Variants in DHRS13 observed in about 807,000 individuals in gnomAD.
DHRS13 encodes dehydrogenase/reductase 13, also known as dehydrogenase/reductase SDR family member 13.
Under a neutral mutation model 17.9 loss-of-function variants are expected in DHRS13, and 22 were observed. The observed-to-expected ratio is 1.23, with a 90% CI of 0.88 to 1.75. The LOEUF is 1.75. Ranked by LOEUF, DHRS13 falls within the 40% of genes most tolerant of loss-of-function variation. The pLI, the probability that DHRS13 is intolerant of heterozygous loss-of-function variation, is 0.00. For missense variants in DHRS13, 483 were observed against 519.9 expected (o/e 0.93, Z 0.69); for synonymous variants, 206 against 220.4 (o/e 0.93, Z 0.58).
rs572775258 is a variant in DHRS13, at chr17:28,901,455, C to T, written c.370+38G>A. 2.4e-5 allele frequency: 39 copies of T among 1,611,894 alleles called. No homozygotes were observed. Among genetic ancestry groups the T allele is most frequent in the Middle Eastern group, 1.9e-4 (1 of 5,386 alleles). ...GAGGGGGCAGTTGCCCCTGGCCACC[C>T]GCCACCCCACCCCCACGCAGGGCCT... On this transcript the variant is annotated intron_variant, in intron 3 of 4. Transcript: ENST00000378895. The surrounding 1 kb of genome is among the most constrained non-coding windows in gnomAD (Gnocchi z 4.3).
In DHRS13 at chr17:28,902,019, C is replaced by T. The variant is rs1478239927; in HGVS notation, c.247-403G>A. On this transcript the variant is annotated intron_variant, in intron 2 of 4. Transcript: ENST00000378895. This position sits in a 1 kb window ranked among gnomAD's most constrained non-coding sequence, Gnocchi z 4.0. ...CTGTAACTTCTCACTGGTCTCCTCT[C>T]TCCCGCTCTTGCCCCCCCACTCCAG... is the stretch of plus-strand genomic sequence containing the variant. 1 of 181,930 alleles carries T rather than the reference C, an allele frequency of 5.5e-6. No homozygotes were observed. The highest frequency in any genetic ancestry group is 1.2e-5 in the Non-Finnish European group (1 of 85,810). 11.3% of individuals were successfully genotyped at this position (181,930 alleles called of 1,614,324 possible). A position where few individuals can be genotyped will look rare whatever the true frequency, so the allele number is the denominator to read the frequency against.
Position 28,901,009 on chromosome 17 carries a change from G to T in DHRS13, c.663C>A (p.Thr221=), listed in dbSNP as rs2039800248. The change falls in exon 4 of 5, where the codon ACC becomes ACA. Residue 221 remains threonine, a synonymous_variant. Transcript: ENST00000378895. The surrounding 1 kb of genome is among the most constrained non-coding windows in gnomAD (Gnocchi z 4.3). ...LANQLEATGV[T]CYAAHPGPVN... Reference sequence around the variant, plus strand: ...CCTCACCTGGGTGGGCTGCATAGCAGGTGACGCCAGTGGCCTCAAGCTGGT... The same window carrying T: ...CCTCACCTGGGTGGGCTGCATAGCATGTGACGCCAGTGGCCTCAAGCTGGT... 1 of 1,603,130 alleles carries T rather than the reference G, an allele frequency of 6.2e-7. No individual in the cohort carries two copies. Among genetic ancestry groups the T allele is most frequent in the African/African-American group, 1.3e-5 (1 of 74,890 alleles).
In DHRS13 at chr17:28,901,484, GC is replaced by G; in HGVS notation, c.370+8del. On this transcript the variant is annotated splice_region_variant and intron_variant, in intron 3 of 4. Coordinates refer to ENST00000378895, the MANE Select transcript of DHRS13 (RefSeq NM_144683.4). This position sits in a 1 kb window ranked among gnomAD's most constrained non-coding sequence, Gnocchi z 4.3. ...ACCCCACCCCCACGCAGGGCCTGCT[GC>G]CCCTCACCGGCATTGTGGATGAGGA... 1 of 1,613,680 alleles carries G rather than the reference GC, an allele frequency of 6.2e-7. No individual in the cohort carries two copies. The highest frequency in any genetic ancestry group is 1.1e-5 in the South Asian group (1 of 91,066).
Position 28,898,312 on chromosome 17 carries a change from G to T in DHRS13, c.*129C>A, listed in dbSNP as rs2039776355. On this transcript the variant is annotated 3_prime_UTR_variant, in exon 5 of 5. Coordinates refer to ENST00000378895, the MANE Select transcript of DHRS13 (RefSeq NM_144683.4). ...CAGGAAAAGAGATGTCCAGGGCACA[G>T]CTTGGGGCCCCAGAAAGTAACCACG... is the stretch of plus-strand genomic sequence containing the variant. 9.2e-7 allele frequency: 1 copy of T among 1,089,436 alleles called. No homozygotes were observed. Among genetic ancestry groups the T allele is most frequent in the Non-Finnish European group, 1.3e-6 (1 of 763,748 alleles). The allele number at this position is 1,089,436 out of a possible 1,614,324, so 67.5% of individuals were successfully genotyped here. A position where few individuals can be genotyped will look rare whatever the true frequency, so the allele number is the denominator to read the frequency against.
rs1267679445 is a variant in DHRS13, at chr17:28,902,471, C to G, written c.246+112G>C. 2 of 1,148,700 alleles carry G rather than the reference C, an allele frequency of 1.7e-6. No individual in the cohort carries two copies. Among genetic ancestry groups the G allele is most frequent in the African/African-American group, 1.6e-5 (1 of 61,156 alleles). 71.2% of individuals were successfully genotyped at this position (1,148,700 alleles called of 1,614,324 possible). On this transcript the variant is annotated intron_variant, in intron 2 of 4. Transcript: ENST00000378895. The surrounding 1 kb of genome is among the most constrained non-coding windows in gnomAD (Gnocchi z 4.0). ...GCACTCCCTCTTCGCGCTCAGCCGC[C>G]CGCGCCGCGCTCTCCTCCCTGGACC...
rs1207608568 is a variant in DHRS13 at position 28,898,361 on chromosome 17, A to G, written c.*80T>C. The G allele has an allele frequency of 2.7e-6, 4 of 1,464,770 alleles. No individual in the cohort carries two copies. Among genetic ancestry groups the G allele is most frequent in the Non-Finnish European group, 3.7e-6 (4 of 1,093,534 alleles). 90.7% of individuals were successfully genotyped at this position (1,464,770 alleles called of 1,614,324 possible). On this transcript the variant is annotated 3_prime_UTR_variant, in exon 5 of 5. Transcript: ENST00000378895. ...CGGAGGTCAAGATCACAAACCCGTC[A>G]GTGTCCAGGGCATGGCCTCGCACAC...
rs2152652032 is a variant in DHRS13 at position 28,898,452 on chromosome 17, G to C, written c.1123C>G (p.Gln375Glu). 6.4e-7 allele frequency: 1 copy of C among 1,556,596 alleles called. No homozygotes were observed. The highest frequency in any genetic ancestry group is 8.7e-7 in the Non-Finnish European group (1 of 1,149,630). The change falls in exon 5 of 5, where the codon CAG becomes GAG. Residue 375 changes from glutamine (Q) to glutamate (E), a missense_variant. By Grantham distance (29) the Gln-to-Glu change is conservative. Transcript: ENST00000378895. ...RIQAKVEPEI[Q>E]LS The stretch of plus-strand genomic sequence containing the variant: ...TCCTGGCCTGAGGGTTAGGAGAGCT[G>C]GATCTCAGGCTCAACTTTAGCCTGA...
At chr17:28,900,626 G>T (rs1280189014) in intron 4 of DHRS13, among the ~76,000 whole-genome samples, 1 of 152,148 alleles carries the variant, frequency 6.6e-6, no homozygotes, top group Non-Finnish European at 1.5e-5. Context: ...TGCAAGTAAT[G>T]CCTGATACAG....
At position 28,902,724 on chromosome 17, in the gene DHRS13, G is replaced by T. The variant is rs954413967; in HGVS notation, c.128-23C>A. On this transcript the variant is annotated intron_variant, in intron 1 of 4. Coordinates refer to ENST00000378895, the MANE Select transcript of DHRS13 (RefSeq NM_144683.4). This position sits in a 1 kb window ranked among gnomAD's most constrained non-coding sequence, Gnocchi z 4.0. Reference sequence around the variant, plus strand: ...CGCCTGCGGACCGCGGGCGGGAGCCGAGCTGAGCTGAGCCCGGCGGGCCGC... The same window carrying T: ...CGCCTGCGGACCGCGGGCGGGAGCCTAGCTGAGCTGAGCCCGGCGGGCCGC... The T allele has an allele frequency of 7.3e-7, 1 of 1,362,674 alleles. No individual in the cohort carries two copies. Among genetic ancestry groups the T allele is most frequent in the Non-Finnish European group, 9.4e-7 (1 of 1,068,226 alleles). The allele number at this position is 1,362,674 out of a possible 1,614,324, so 84.4% of individuals were successfully genotyped here.
rs2039809636 is a variant in DHRS13 at position 28,901,993 on chromosome 17, T to C, written c.247-377A>G. On this transcript the variant is annotated intron_variant, in intron 2 of 4. Coordinates refer to ENST00000378895, the MANE Select transcript of DHRS13 (RefSeq NM_144683.4). This position sits in a 1 kb window ranked among gnomAD's most constrained non-coding sequence, Gnocchi z 4.3. The stretch of plus-strand genomic sequence containing the variant: ...TTCCCCATTACCATTTACCCTAAAA[T>C]CTGTAACTTCTCACTGGTCTCCTCT... 1 of 189,616 alleles carries C rather than the reference T, an allele frequency of 5.3e-6. No homozygotes were observed. The highest frequency in any genetic ancestry group is 1.1e-5 in the Non-Finnish European group (1 of 90,468). The allele number at this position is 189,616 out of a possible 1,614,324, so 11.7% of individuals were successfully genotyped here.
rs894565069 is a variant in DHRS13 at position 28,902,491 on chromosome 17, T to C, written c.246+92A>G. On this transcript the variant is annotated intron_variant, in intron 2 of 4. Transcript: ENST00000378895. The surrounding 1 kb of genome is among the most constrained non-coding windows in gnomAD (Gnocchi z 4.0). ...GCCGCCCGCGCCGCGCTCTCCTCCCTGGACCCGGATCCTCCGCAGCCCCTT... is the reference window on the plus strand; with the variant it reads ...GCCGCCCGCGCCGCGCTCTCCTCCCCGGACCCGGATCCTCCGCAGCCCCTT... 4 of 1,278,006 alleles carry C rather than the reference T, an allele frequency of 3.1e-6. No homozygotes were observed. Among genetic ancestry groups the C allele is most frequent in the Non-Finnish European group, 4.1e-6 (4 of 982,934 alleles). The allele number at this position is 1,278,006 out of a possible 1,614,324, so 79.2% of individuals were successfully genotyped here.
In DHRS13 at chr17:28,901,353, T is replaced by A. The variant is rs772332173; in HGVS notation, c.371-52A>T. On this transcript the variant is annotated intron_variant, in intron 3 of 4. Coordinates refer to ENST00000378895, the MANE Select transcript of DHRS13 (RefSeq NM_144683.4). This position sits in a 1 kb window ranked among gnomAD's most constrained non-coding sequence, Gnocchi z 4.3. Reference sequence around the variant, plus strand: ...CTGCTCCAGAAGGAGCTCTGCAGCCTTGGCATCCCTATCTATGAGATGGGA... The same window carrying A: ...CTGCTCCAGAAGGAGCTCTGCAGCCATGGCATCCCTATCTATGAGATGGGA... The A allele has an allele frequency of 5.1e-6, 8 of 1,581,296 alleles. No individual in the cohort carries two copies. The highest frequency in any genetic ancestry group is 6.9e-6 in the Non-Finnish European group (8 of 1,162,376).
At position 28,899,931 on chromosome 17, in the gene DHRS13, T is replaced by G. The variant is rs2152652411; in HGVS notation, c.683-1039A>C. 6.7e-6 allele frequency among the ~76,000 whole-genome samples: 1 copy of G among 150,216 alleles called. No homozygotes were observed. The highest frequency in any genetic ancestry group is 1.9e-4 in the East Asian group (1 of 5,142). On this transcript the variant is annotated intron_variant, in intron 4 of 4. Coordinates refer to ENST00000378895, the MANE Select transcript of DHRS13 (RefSeq NM_144683.4). The surrounding 1 kb of genome is among the most constrained non-coding windows in gnomAD (Gnocchi z 4.7). ...TTTTTTTTTCTTTTTTCTTTTTTTT[T>G]GAGATGGAGTCTTGCTCTGTCCCCC...
chr17:28,899,117 T>C lies in DHRS13; in HGVS notation c.683-225A>G. On this transcript the variant is annotated intron_variant, in intron 4 of 4. Coordinates refer to ENST00000378895, the MANE Select transcript of DHRS13 (RefSeq NM_144683.4). This position sits in a 1 kb window ranked among gnomAD's most constrained non-coding sequence, Gnocchi z 4.7. ...GAATCTGGTTTCAAGGGAACCAGGA[T>C]AGTATTTACCAGGCATTCGGGGCTT... 2.0e-6 allele frequency: 1 copy of C among 498,182 alleles called. No homozygotes were observed. The highest frequency in any genetic ancestry group is 2.9e-5 in the South Asian group (1 of 34,494). The allele number at this position is 498,182 out of a possible 1,614,324, so 30.9% of individuals were successfully genotyped here. A position where few individuals can be genotyped will look rare whatever the true frequency, so the allele number is the denominator to read the frequency against.
At position 28,902,763 on chromosome 17, in the gene DHRS13, C is replaced by G; in HGVS notation, c.127+55G>C. On this transcript the variant is annotated intron_variant, in intron 1 of 4. Transcript: ENST00000378895. This position sits in a 1 kb window ranked among gnomAD's most constrained non-coding sequence, Gnocchi z 4.0. ...CCGGCGGGCCGCTGCTACCGCCGGC[C>G]CGGCCTCCTCTCCGCGCGCCCCGCC... is the stretch of plus-strand genomic sequence containing the variant. 1 of 1,419,610 alleles carries G rather than the reference C, an allele frequency of 7.0e-7. No homozygotes were observed. The highest frequency in any genetic ancestry group is 9.1e-7 in the Non-Finnish European group (1 of 1,094,076). The allele number at this position is 1,419,610 out of a possible 1,614,324, so 87.9% of individuals were successfully genotyped here. A position where few individuals can be genotyped will look rare whatever the true frequency, so the allele number is the denominator to read the frequency against.
At position 28,898,080 on chromosome 17, in the gene DHRS13, G is replaced by A. The variant is rs942750561; in HGVS notation, c.*361C>T. ...CTACCTAGCTAGACGGTTGCAAAGG[G>A]ATCAGTTCACTAATTCTCAATGTTG... is the stretch of plus-strand genomic sequence containing the variant. On this transcript the variant is annotated 3_prime_UTR_variant, in exon 5 of 5. Coordinates refer to ENST00000378895, the MANE Select transcript of DHRS13 (RefSeq NM_144683.4). The A allele has an allele frequency of 3.6e-6, 1 of 280,300 alleles. No homozygotes were observed. Among genetic ancestry groups the A allele is most frequent in the East Asian group, 1.2e-4 (1 of 8,694 alleles). 17.4% of individuals were successfully genotyped at this position (280,300 alleles called of 1,614,324 possible).
rs2039793453 is a variant in DHRS13, at chr17:28,899,928, T to C, written c.683-1036A>G. On this transcript the variant is annotated intron_variant, in intron 4 of 4. Coordinates refer to ENST00000378895, the MANE Select transcript of DHRS13 (RefSeq NM_144683.4). This position sits in a 1 kb window ranked among gnomAD's most constrained non-coding sequence, Gnocchi z 4.7. ...TCTTTTTTTTTTCTTTTTTCTTTTT[T>C]TTTGAGATGGAGTCTTGCTCTGTCC... Among the ~76,000 whole-genome samples, 1 of 151,938 alleles carries C rather than the reference T, an allele frequency of 6.6e-6. No individual in the cohort carries two copies. Among genetic ancestry groups the C allele is most frequent in the Non-Finnish European group, 1.5e-5 (1 of 67,978 alleles).
rs773539811 is a variant in DHRS13, at chr17:28,902,879, C to CCCCGCCCCG, written c.65_66insCGGGGCGGG (p.Leu22_Val23insGlyAlaGly). 1 of 1,556,272 alleles carries CCCCGCCCCG rather than the reference C, an allele frequency of 6.4e-7. No homozygotes were observed. The highest frequency in any genetic ancestry group is 8.6e-7 in the Non-Finnish European group (1 of 1,159,498). ...TGCCGCCGCACGGCGGGGCCTTCAC[C>CCCCGCCCCG]AGGTTGTAGTAGACAAGCACGTAAG... On this transcript the variant is annotated inframe_insertion, in exon 1 of 5. Transcript: ENST00000378895. This position sits in a 1 kb window ranked among gnomAD's most constrained non-coding sequence, Gnocchi z 4.0.
chr17:28,902,619 C>A lies in DHRS13; in HGVS notation c.210G>T (p.Gln70His). 6.8e-7 allele frequency: 1 copy of A among 1,475,676 alleles called. No individual in the cohort carries two copies. Among genetic ancestry groups the A allele is most frequent in the Non-Finnish European group, 8.9e-7 (1 of 1,121,736 alleles). The allele number at this position is 1,475,676 out of a possible 1,614,324, so 91.4% of individuals were successfully genotyped here. The change falls in exon 2 of 5, where the codon CAG becomes CAT. Residue 70 changes from glutamine (Q) to histidine (H), a missense_variant. Transcript: ENST00000378895. The surrounding 1 kb of genome is among the most constrained non-coding windows in gnomAD (Gnocchi z 4.0). ...GARVVLACRS[Q>H]ERGEAAAFDL... The stretch of plus-strand genomic sequence containing the variant: ...CGAAGGCAGCCGCCTCCCCGCGCTC[C>A]TGGCTGCGGCAGGCCAGCACCACGC...
Sources: gnomAD v4.1 joint callset for allele counts (sites outside exome capture counted in the v4.1 genomes callset) on GRCh38, gnomAD v4.1.1 for gene constraint, Gnocchi (gnomAD v3.1) non-coding constraint, MANE v1.5 for transcripts, NCBI Gene and HGNC (gene_info 2026-07-23, HGNC 2026-07-21) for gene names.